The following MX1 variants were observed in gnomAD, a reference collection of about 807,000 sequenced individuals.
The protein encoded by MX1 is MX dynamin like GTPase 1.
In MX1, 66 loss-of-function variants were observed where a neutral mutation model predicts 66.4. The observed-to-expected ratio is 0.99, with a 90% CI of 0.82 to 1.22. MX1 has a LOEUF of 1.22. MX1 is among the 50% of genes most tolerant of loss of function. MX1 has a pLI of 0.00. For synonymous variants in MX1, 311 were observed against 318.1 expected (o/e 0.98, Z 0.24); for missense variants, 787 against 834.3 (o/e 0.94, Z 0.70).
chr21:41,440,026 G>A (rs1196551542), intron 8 of MX1, among the ~76,000 whole-genome samples, 178 bp downstream of exon 8: 2 of 152,192 alleles, frequency 1.3e-5, no homozygotes, highest in East Asian at 3.9e-4. Flanking sequence ...AGTCTGTTCT[G>A]TCAAGTTGAA....
intron 8 of MX1, 47 bp downstream of exon 8, chr21:41,439,895 GGGA>G: frequency 6.5e-7 from 1 of 1,539,506 alleles, no homozygotes; most frequent in East Asian, 2.3e-5. Context: ...GTGGGGATGG[GGGA>G]GTGGAGGGGT....
At chr21:41,438,949 G>C (rs899244389) in intron 7 of MX1, among the ~76,000 whole-genome samples, 2 of 152,138 alleles carry the variant, frequency 1.3e-5, no homozygotes, top group African/African-American at 2.4e-5. Context: ...ACCATGGCAA[G>C]GGGCATATCT....
At chr21:41,446,547 T>A (rs2090670455) in intron 13 of MX1, among the ~76,000 whole-genome samples, 1 of 152,224 alleles carries the variant, frequency 6.6e-6, no homozygotes, top group Admixed American at 6.5e-5. Context: ...AAAATATGTA[T>A]GTACCTTAGT....
intron 16 of MX1, 57 bp downstream of exon 16, chr21:41,452,926 G>A (rs1164922280): frequency 8.8e-6 from 14 of 1,588,162 alleles, no homozygotes; most frequent in African/African-American, 4.1e-5. Context: ...TCTTCTGAAC[G>A]CCTCTCTCTT....
At chr21:41,451,592 G>A (rs961053981) in intron 15 of MX1, among the ~76,000 whole-genome samples, 2 of 152,170 alleles carry the variant, frequency 1.3e-5, no homozygotes, top group Non-Finnish European at 2.9e-5. Context: ...CCAGCACTTT[G>A]GGAGGCTGAG....
At position 41,451,226 on chromosome 21, in the gene MX1, C is replaced by A; in HGVS notation, c.1492C>A (p.Leu498Ile). Residue 498 changes from leucine to isoleucine, a missense_variant, in exon 15 of 17, where the codon CTC (leucine) becomes ATC (isoleucine). Physicochemically the swap from Leu to Ile is conservative, Grantham distance 5. Coordinates refer to ENST00000398598, the MANE Select transcript of MX1 (RefSeq NM_002462.5). ...SIKNFEEFFN[L>I]HRTAKSKIED... ...AAAAAATTTTGAAGAGTTTTTTAAC[C>A]TCCACAGAACCGCCAAGGTAAAACC... 1 of 1,609,218 alleles carries A rather than the reference C, an allele frequency of 6.2e-7. No individual in the cohort carries two copies.
chr21:41,452,964 T>C, intron 16 of MX1, 95 bp downstream of exon 16: 2 of 1,433,418 alleles, frequency 1.4e-6, no homozygotes, highest in South Asian at 2.7e-5. Context: ...TAGGTGACGT[T>C]GGTCAGCTCT....
In MX1 at chr21:41,458,636, A is replaced by G. The variant is rs2091012597; in HGVS notation, c.1867A>G (p.Lys623Glu). 1 of 1,614,254 alleles carries G rather than the reference A, an allele frequency of 6.2e-7. No homozygotes were observed. Among genetic ancestry groups the G allele is most frequent in the Non-Finnish European group, 8.5e-7 (1 of 1,180,042 alleles). Residue 623 changes from lysine (K) to glutamate (E), a missense_variant, in exon 17 of 17, where the codon AAG (lysine) becomes GAG (glutamate). Physicochemically the swap from Lys to Glu is moderately conservative, Grantham distance 56. Coordinates refer to ENST00000398598, the MANE Select transcript of MX1 (RefSeq NM_002462.5). ...GGCCATGCTGCAGCTCCTGCAGGACAAGGACACCTACAGCTGGCTCCTGAA... is the reference window on the plus strand; with the variant it reads ...GGCCATGCTGCAGCTCCTGCAGGACGAGGACACCTACAGCTGGCTCCTGAA... ...QKAMLQLLQD[K>E]DTYSWLLKER...
chr21:41,435,811 G>C (rs985637764), intron 5 of MX1, 26 bp from the exon 6 acceptor site: 1 of 1,592,934 alleles, frequency 6.3e-7, no homozygotes, highest in Non-Finnish European at 8.6e-7. Flanking sequence ...AGGCCATGAA[G>C]AATTCTCCAT....
chr21:41,438,762 A>G (rs1033022484), intron 7 of MX1, among the ~76,000 whole-genome samples: 7 of 152,240 alleles, frequency 4.6e-5, no homozygotes, highest in African/African-American at 1.7e-4. Flanking sequence ...GGTCTAAACA[A>G]TGTAGAGGCT....
At chr21:41,443,929 G>A in intron 11 of MX1, 63 bp downstream of exon 11, 3 of 1,482,320 alleles carry the variant, frequency 2.0e-6, no homozygotes, top group Non-Finnish European at 2.8e-6. Context: ...GCTGAACCTT[G>A]CTGGCTTCTT....
chr21:41,441,076 T>TGTGCTCGATGAGAATGGGGGAGCCCGCCC lies in MX1; in HGVS notation c.730+58_730+59insATGAGAATGGGGGAGCCCGCCCGTGCTCG. 6.9e-7 allele frequency: 1 copy of TGTGCTCGATGAGAATGGGGGAGCCCGCCC among 1,454,468 alleles called. No homozygotes were observed. The highest frequency in any genetic ancestry group is 9.2e-7 in the Non-Finnish European group (1 of 1,085,096). 90.1% of individuals were successfully genotyped at this position (1,454,468 alleles called of 1,614,324 possible). ...CTCAGTGAGAATGGGGGAGCCCGCC[T>TGTGCTCGATGAGAATGGGGGAGCCCGCCC]GTGCTCGGTGAGAATGGGGGAGCCC... On this transcript the variant is annotated intron_variant, in intron 9 of 16. Transcript: ENST00000398598. The surrounding 1 kb of genome is among the most constrained non-coding windows in gnomAD (Gnocchi z 4.0).
chr21:41,449,550 C>G (rs2090766184), intron 14 of MX1: 1 of 368,938 alleles, frequency 2.7e-6, no homozygotes, highest in Non-Finnish European at 4.8e-6. Flanking sequence ...ATGCCGGTCA[C>G]AAGTCCCAGA....
chr21:41,439,952 G>A, intron 8 of MX1, 104 bp downstream of exon 8: 1 of 1,278,296 alleles, frequency 7.8e-7, no homozygotes, highest in Non-Finnish European at 1.1e-6. Flanking sequence ...CGTGAGTCCA[G>A]AGCTGAGTTT....
intron 15 of MX1, among the ~76,000 whole-genome samples, chr21:41,451,450 C>T (rs2090823608): frequency 6.6e-6 from 1 of 152,110 alleles, no homozygotes; most frequent in Non-Finnish European, 1.5e-5. Context: ...ACGCACAGAA[C>T]AAGAGATCCA....
chr21:41,431,916 T>G, intron 4 of MX1, 134 bp from the exon 5 acceptor site: 3 of 657,412 alleles, frequency 4.6e-6, no homozygotes, highest in Non-Finnish European at 8.0e-6. Flanking sequence ...TCTTCTACGC[T>G]CTGGGGACAT....
chr21:41,449,033 C>A, intron 13 of MX1, 104 bp from the exon 14 acceptor site: 1 of 1,014,474 alleles, frequency 9.9e-7, no homozygotes, highest in Non-Finnish European at 1.4e-6. Context: ...ACCACTTTTT[C>A]TTGCCATTTA....
At chr21:41,445,625 G>C (rs1003562367) in intron 12 of MX1, 55 bp downstream of exon 12, 2 of 1,609,920 alleles carry the variant, frequency 1.2e-6, no homozygotes, top group Non-Finnish European at 1.7e-6. Flanking sequence ...GTCAAAAAAG[G>C]GACCCTGGGC....
chr21:41,447,700 T>C (rs1206674823), intron 13 of MX1, among the ~76,000 whole-genome samples: 1 of 152,090 alleles, frequency 6.6e-6, no homozygotes, highest in Non-Finnish European at 1.5e-5. Context: ...CGCACAACTT[T>C]GTGAATATAC....
Sources: allele counts gnomAD v4.1 joint callset (sites outside exome capture counted in the v4.1 genomes callset), GRCh38; gene constraint gnomAD v4.1.1; non-coding constraint Gnocchi (gnomAD v3.1); transcripts MANE v1.5; gene names NCBI Gene and HGNC (gene_info 2026-07-23, HGNC 2026-07-21).